TTC7B: variants seen among roughly 807,000 people sequenced by gnomAD.
The protein encoded by TTC7B is tetratricopeptide repeat protein 7B.
TTC7B carries 28 observed loss-of-function variants against 106.8 expected under a neutral mutation model. The ratio of observed to expected loss-of-function variants is 0.26; its 90% confidence interval spans 0.19 to 0.36. The LOEUF is 0.36. TTC7B is among the 10% of genes least tolerant of loss of function. The probability of loss-of-function intolerance (pLI) is 1.00; values close to 1 mark genes in which losing one functional copy is unlikely to be tolerated. For missense variants in TTC7B, 862 were observed against 1,076.4 expected, an observed-to-expected ratio of 0.80 and a Z score of 2.79; for synonymous variants, 405 against 430.6, an observed-to-expected ratio of 0.94 and a Z score of 0.74.
In TTC7B at chr14:90,608,670, G is replaced by A. The variant is rs572117840; in HGVS notation, c.1966+2072C>T. Among the ~76,000 whole-genome samples, 31 of 152,164 alleles carry A rather than the reference G, an allele frequency of 2.0e-4. No homozygotes were observed. The highest frequency in any genetic ancestry group is 3.5e-4 in the Non-Finnish European group (24 of 68,030). ...TGACACCGCAGACTGTGTCACACAG[G>A]CACATCTTCCCTAAACACCATGGCA... On this transcript the variant is annotated intron_variant, in intron 17 of 19. Transcript: ENST00000328459. This position sits in a 1 kb window ranked among gnomAD's most constrained non-coding sequence, Gnocchi z 5.1.
At chr14:90,747,729 A>G (rs183721597) in intron 3 of TTC7B, among the ~76,000 whole-genome samples, 5 of 152,254 alleles carry the variant, frequency 3.3e-5, no homozygotes, top group Admixed American at 3.3e-4. Context: ...GGATATTGCA[A>G]TCCCCAAGCA....
At chr14:90,785,591 G>C (rs1180099970) in intron 2 of TTC7B, among the ~76,000 whole-genome samples, 3 of 152,190 alleles carry the variant, frequency 2.0e-5, no homozygotes, top group Admixed American at 2.0e-4. Flanking sequence ...AAAGCCACGT[G>C]AGAGGGAATG....
At chr14:90,755,433 G>A (rs984949209) in intron 3 of TTC7B, among the ~76,000 whole-genome samples, 2 of 152,108 alleles carry the variant, frequency 1.3e-5, no homozygotes, top group Non-Finnish European at 2.9e-5. Flanking sequence ...GGATTACTTG[G>A]GGCCAGGAGT....
chr14:90,680,924 C>G (rs1887025953), intron 7 of TTC7B, among the ~76,000 whole-genome samples: 1 of 152,174 alleles, frequency 6.6e-6, no homozygotes, highest in South Asian at 2.1e-4. Context: ...TACCTCTTAC[C>G]TGCTAACTGG....
intron 4 of TTC7B, 83 bp from the exon 5 acceptor site, chr14:90,730,279 C>T (rs1332652969): frequency 8.0e-6 from 12 of 1,493,054 alleles, no homozygotes; most frequent in South Asian, 2.7e-5. Flanking sequence ...ATGTACTGCT[C>T]GACCTAAAAA....
chr14:90,752,301 T>C (rs1044575071), intron 3 of TTC7B, among the ~76,000 whole-genome samples: 1 of 152,134 alleles, frequency 6.6e-6, no homozygotes, highest in Non-Finnish European at 1.5e-5. Flanking sequence ...GAGCATTGCT[T>C]GAGCCCAAGA....
At chr14:90,685,048 T>C (rs1285642886) in intron 7 of TTC7B, among the ~76,000 whole-genome samples, 7 of 152,178 alleles carry the variant, frequency 4.6e-5, no homozygotes, top group Non-Finnish European at 1.0e-4. Flanking sequence ...AGAGTGAGCA[T>C]CCTGTATGCA....
chr14:90,666,035 T>C (rs961421769), intron 9 of TTC7B, among the ~76,000 whole-genome samples: 5 of 152,242 alleles, frequency 3.3e-5, no homozygotes, highest in African/African-American at 1.2e-4. Flanking sequence ...GATCCCATTC[T>C]TACTTTACAG....
At chr14:90,667,402 C>T (rs1200619046) in intron 9 of TTC7B, among the ~76,000 whole-genome samples, 1 of 152,182 alleles carries the variant, frequency 6.6e-6, no homozygotes, top group Non-Finnish European at 1.5e-5. Flanking sequence ...TTATGACCTA[C>T]TGCTTGCTTT....
At chr14:90,644,257 GCACACA>G (rs199817416) in intron 14 of TTC7B, 49 bp from the exon 15 acceptor site, 28 of 1,173,530 alleles carry the variant, frequency 2.4e-5, no homozygotes, top group Non-Finnish European at 2.7e-5. Flanking sequence ...ACATGCACAC[GCACACA>G]CACACACACA....
At chr14:90,689,820 G>A in intron 6 of TTC7B, 108 bp from the exon 7 acceptor site, 1 of 1,244,514 alleles carries the variant, frequency 8.0e-7, no homozygotes, top group Non-Finnish European at 1.1e-6. Context: ...AAGCACTACT[G>A]CAAGGCTCAT....
intron 1 of TTC7B, among the ~76,000 whole-genome samples, chr14:90,789,478 T>C (rs1282847982): frequency 6.6e-6 from 1 of 152,106 alleles, no homozygotes; most frequent in Non-Finnish European, 1.5e-5. Context: ...ATCTCAACAC[T>C]TTAGGAGGCC....
chr14:90,648,177 G>C (rs144424739), intron 13 of TTC7B, among the ~76,000 whole-genome samples: 1 of 152,196 alleles, frequency 6.6e-6, no homozygotes, highest in East Asian at 1.9e-4. Context: ...TCCAGGGTGA[G>C]GCAAAGCTAA....
intron 8 of TTC7B, among the ~76,000 whole-genome samples, chr14:90,680,002 A>G (rs1312070055): frequency 1.3e-5 from 2 of 152,236 alleles, no homozygotes; most frequent in Non-Finnish European, 2.9e-5. Flanking sequence ...TGAGAGTTTC[A>G]TCAAGCTCCT....
intron 3 of TTC7B, among the ~76,000 whole-genome samples, chr14:90,773,474 A>C (rs542812102): frequency 6.6e-6 from 1 of 152,224 alleles, no homozygotes; most frequent in East Asian, 1.9e-4. Context: ...CAACTCTGAA[A>C]AGCAGCCTCT....
rs1297082100 is a variant in TTC7B at position 90,536,065 on chromosome 14, A to T, written c.*5303T>A. The T allele has an allele frequency of 1.3e-5, 2 of 154,082 alleles. No homozygotes were observed. Among genetic ancestry groups the T allele is most frequent in the East Asian group, 3.9e-4 (2 of 5,184 alleles). 9.5% of individuals were successfully genotyped at this position (154,082 alleles called of 1,614,324 possible). A position where few individuals can be genotyped will look rare whatever the true frequency, so the allele number is the denominator to read the frequency against. ...TATGAATCTGGGGGAGCAAAACTGC[A>T]TCCCCAGCATGGCTCTGGTCAAGGT... is the stretch of plus-strand genomic sequence containing the variant. On this transcript the variant is annotated 3_prime_UTR_variant, in exon 20 of 20. Coordinates refer to ENST00000328459, the MANE Select transcript of TTC7B (RefSeq NM_001010854.2).
intron 18 of TTC7B, among the ~76,000 whole-genome samples, chr14:90,589,177 T>C (rs1473510618): frequency 6.6e-6 from 1 of 152,202 alleles, no homozygotes; most frequent in Admixed American, 6.5e-5. Flanking sequence ...TGGAAGGCAA[T>C]GGACAAAACT....
intron 19 of TTC7B, among the ~76,000 whole-genome samples, chr14:90,546,029 C>T (rs1176300825): frequency 6.6e-6 from 1 of 152,188 alleles, no homozygotes; most frequent in African/African-American, 2.4e-5. Flanking sequence ...GCAGACTTGC[C>T]AGGGGCTGCC....
intron 3 of TTC7B, among the ~76,000 whole-genome samples, chr14:90,755,498 T>G (rs1890260936): frequency 6.6e-6 from 1 of 151,886 alleles, no homozygotes; most frequent in African/African-American, 2.4e-5. Flanking sequence ...AAATAATAAT[T>G]TTTTGTTTGT....
Sources: allele counts gnomAD v4.1 joint callset (sites outside exome capture counted in the v4.1 genomes callset), GRCh38; gene constraint gnomAD v4.1.1; non-coding constraint Gnocchi (gnomAD v3.1); transcripts MANE v1.5; gene names NCBI Gene and HGNC (gene_info 2026-07-23, HGNC 2026-07-21).